Variants in ARFGAP1 observed in about 807,000 individuals in gnomAD.
The protein encoded by ARFGAP1 is ARF GTPase activating protein 1.
Under a neutral mutation model 54.0 loss-of-function variants are expected in ARFGAP1, and 26 were observed. The ratio of observed to expected loss-of-function variants is 0.48; its 90% CI spans 0.35 to 0.67. The LOEUF is 0.67. Ranked by LOEUF, ARFGAP1 falls within the 30% of genes least tolerant of loss-of-function variation. The pLI, the probability that ARFGAP1 is intolerant of heterozygous loss-of-function variation, is 0.00. For synonymous variants in ARFGAP1, 248 were observed against 211.9 expected (o/e 1.17, Z -1.48); for missense variants, 525 against 535.8 (o/e 0.98, Z 0.20).
At chr20:63,273,640 C>T (rs549438083) in intron 1 of ARFGAP1, 33 of 152,346 alleles carry the variant, frequency 2.2e-4, no homozygotes, top group African/African-American at 5.8e-4. Flanking sequence ...TTTACACACT[C>T]TCTCCCTCCG....
intron 11 of ARFGAP1, 79 bp from the exon 12 acceptor site, chr20:63,286,287 C>A: frequency 1.9e-6 from 3 of 1,595,866 alleles, no homozygotes; most frequent in Admixed American, 1.7e-5. Context: ...CGGCGCGTGC[C>A]GGCTTGCGTG....
chr20:63,282,325 A>G (rs1043742052), intron 8 of ARFGAP1, among the ~76,000 whole-genome samples: 6 of 152,236 alleles, frequency 3.9e-5, no homozygotes, highest in East Asian at 1.9e-4. Flanking sequence ...GGTACCTTCC[A>G]GCCAGAGTGT....
In ARFGAP1 at chr20:63,272,839, C is replaced by G. The variant is rs1482578270; in HGVS notation, c.-86C>G. The stretch of plus-strand genomic sequence containing the variant: ...GAAGCTGGTGGCGGCTGGTGGGCGA[C>G]CGGGCGCATCCTCATTGCAGTGCGG... On this transcript the variant is annotated 5_prime_UTR_variant, in exon 1 of 13. Transcript: ENST00000370283. The G allele has an allele frequency of 2.6e-5, 4 of 152,334 alleles. No individual in the cohort carries two copies. Among genetic ancestry groups the G allele is most frequent in the Admixed American group, 2.0e-4 (3 of 15,288 alleles). The allele number at this position is 152,334 out of a possible 1,614,324, so 9.4% of individuals were successfully genotyped here. A position where few individuals can be genotyped will look rare whatever the true frequency, so the allele number is the denominator to read the frequency against.
At chr20:63,286,648 G>T (rs1430343074) in intron 12 of ARFGAP1, among the ~76,000 whole-genome samples, 2 of 152,050 alleles carry the variant, frequency 1.3e-5, no homozygotes, top group African/African-American at 4.8e-5. Context: ...CTGGGGAGGG[G>T]GCACTGTGGA....
chr20:63,278,374 G>T, intron 6 of ARFGAP1, 171 bp downstream of exon 6: 1 of 636,508 alleles, frequency 1.6e-6, no homozygotes, highest in Non-Finnish European at 2.7e-6. Context: ...TGTGAATTGG[G>T]GGTCTTGGGT....
chr20:63,280,971 G>A (rs528309435), intron 7 of ARFGAP1, among the ~76,000 whole-genome samples: 8 of 152,340 alleles, frequency 5.3e-5, no homozygotes, highest in African/African-American at 1.7e-4. Context: ...GAGGCAGGAG[G>A]GAGCGCCGGC....
At position 63,276,532 on chromosome 20, in the gene ARFGAP1, A is replaced by T. The variant is rs916046637; in HGVS notation, c.223A>T (p.Met75Leu). 1 of 1,613,912 alleles carries T rather than the reference A, an allele frequency of 6.2e-7. No homozygotes were observed. The highest frequency in any genetic ancestry group is 1.3e-5 in the African/African-American group (1 of 74,918). Residue 75 changes from methionine to leucine, a missense_variant, in exon 4 of 13, where the codon ATG becomes TTG. Met to Leu is a conservative substitution (Grantham distance 15). Coordinates refer to ENST00000370283, the MANE Select transcript of ARFGAP1 (RefSeq NM_018209.4). The surrounding 1 kb of genome is among the most constrained non-coding windows in gnomAD (Gnocchi z 5.2). ...DKWKDIELEK[M>L]KAGGNAKFRE... The stretch of plus-strand genomic sequence containing the variant: ...GTGGAAGGACATTGAGCTTGAGAAG[A>T]TGAAAGCTGGTGGGAATGCTAAGTT...
chr20:63,283,015 C>G, intron 9 of ARFGAP1, 164 bp downstream of exon 9: 1 of 753,694 alleles, frequency 1.3e-6, no homozygotes, highest in Non-Finnish European at 2.2e-6. Context: ...TGTTCCCCTC[C>G]TCATGCCCGG....
chr20:63,286,207 G>A (rs1002263336), intron 11 of ARFGAP1, 159 bp from the exon 12 acceptor site: 2 of 1,549,182 alleles, frequency 1.3e-6, no homozygotes, highest in African/African-American at 1.4e-5. Flanking sequence ...AGTGGCCGGG[G>A]CGTCTGTGTC....
chr20:63,277,635 C>CT (rs1051845324), intron 5 of ARFGAP1, among the ~76,000 whole-genome samples: 5 of 152,172 alleles, frequency 3.3e-5, no homozygotes, highest in African/African-American at 1.2e-4. Context: ...GCCCATCTGC[C>CT]TGTGGCACTG....
chr20:63,283,573 G>A (rs547912282), intron 9 of ARFGAP1: 98 of 479,056 alleles, frequency 2.0e-4, no homozygotes, highest in Middle Eastern at 1.6e-3. Context: ...TCCTCTCTGA[G>A]GGAGTCTCCC....
At chr20:63,277,714 G>C (rs966713179) in intron 5 of ARFGAP1, among the ~76,000 whole-genome samples, 2 of 152,212 alleles carry the variant, frequency 1.3e-5, no homozygotes, top group South Asian at 4.1e-4. Context: ...CGTCCCGGGT[G>C]GGGTGACTGG....
At chr20:63,284,351 C>T (rs2067466816) in intron 9 of ARFGAP1, 2 of 1,072,092 alleles carry the variant, frequency 1.9e-6, no homozygotes, top group Non-Finnish European at 2.3e-6. Context: ...AGGCCTCACA[C>T]CACATCCCCA....
Position 63,277,070 on chromosome 20 carries a change from C to T in ARFGAP1, c.343-135C>T, listed in dbSNP as rs377292772. On this transcript the variant is annotated intron_variant, in intron 4 of 12. Transcript: ENST00000370283. ...CTGGTCTGTGCACCTGAGCAGGGGC[C>T]GTCGAGGGGGCCGGGAGGAGGCTGC... is the stretch of plus-strand genomic sequence containing the variant. 3.5e-5 allele frequency: 24 copies of T among 679,880 alleles called. No homozygotes were observed. The East Asian group carries it at 4.1e-4, about 12-fold the overall frequency. 42.1% of individuals were successfully genotyped at this position (679,880 alleles called of 1,614,324 possible). A position where few individuals can be genotyped will look rare whatever the true frequency, so the allele number is the denominator to read the frequency against.
rs1189436886 is a variant in ARFGAP1, at chr20:63,285,683, C to G, written c.804C>G (p.Val268=). 6.2e-7 allele frequency: 1 copy of G among 1,613,702 alleles called. No individual in the cohort carries two copies. Among genetic ancestry groups the G allele is most frequent in the Non-Finnish European group, 8.5e-7 (1 of 1,180,002 alleles). Residue 268 remains valine, a synonymous_variant, in exon 11 of 13, where the codon GTC becomes GTG. Coordinates refer to ENST00000370283, the MANE Select transcript of ARFGAP1 (RefSeq NM_018209.4). Reference sequence around the variant, plus strand: ...AGGAGGGAAAGATTTTTGATGATGTCTCCAGTGGGGTCTCTCAGTTGGCGT... The same window carrying G: ...AGGAGGGAAAGATTTTTGATGATGTGTCCAGTGGGGTCTCTCAGTTGGCGT... ...KVKEGKIFDD[V]SSGVSQLASK...
At chr20:63,286,500 C>G in intron 12 of ARFGAP1, 58 bp downstream of exon 12, 2 of 1,525,240 alleles carry the variant, frequency 1.3e-6, no homozygotes, top group Non-Finnish European at 1.8e-6. Flanking sequence ...GCCACTCCTC[C>G]TACAGGCTCT....
Position 63,286,506 on chromosome 20 carries a change from G to C in ARFGAP1, c.911+64G>C. 3 of 1,495,186 alleles carry C rather than the reference G, an allele frequency of 2.0e-6. No individual in the cohort carries two copies. The South Asian group carries it at 3.5e-5, about 18-fold the overall frequency. The allele number at this position is 1,495,186 out of a possible 1,614,324, so 92.6% of individuals were successfully genotyped here. ...CCTGCCTTGGCCACTCCTCCTACAG[G>C]CTCTCCAGGAGGTGGCTGGCATCCT... is the stretch of plus-strand genomic sequence containing the variant. On this transcript the variant is annotated intron_variant, in intron 12 of 12. Transcript: ENST00000370283.
In ARFGAP1 at chr20:63,286,060, T is replaced by G. The variant is rs573167734; in HGVS notation, c.835-306T>G. ...GTGCATTTTGTCCTGTTTCCTGGCA[T>G]GAGGCGCTCTGCGGACAGACGGGGA... On this transcript the variant is annotated intron_variant, in intron 11 of 12. Transcript: ENST00000370283. 5 of 1,549,766 alleles carry G rather than the reference T, an allele frequency of 3.2e-6. No individual in the cohort carries two copies. In the South Asian group the frequency reaches 4.8e-5, roughly 15 times the overall value.
At chr20:63,284,481 G>A (rs2067471268) in intron 9 of ARFGAP1, 2 of 1,115,598 alleles carry the variant, frequency 1.8e-6, no homozygotes, top group Non-Finnish European at 2.2e-6. Flanking sequence ...GGGACTCGGT[G>A]CCTGCCTGGG....
Sources: allele counts gnomAD v4.1 joint callset (sites outside exome capture counted in the v4.1 genomes callset), GRCh38; gene constraint gnomAD v4.1.1; non-coding constraint Gnocchi (gnomAD v3.1); transcripts MANE v1.5; gene names NCBI Gene and HGNC (gene_info 2026-07-23, HGNC 2026-07-21).